Variants in PCCA observed in about 807,000 individuals in gnomAD.
PCCA encodes the protein propionyl-CoA carboxylase alpha chain, mitochondrial.
A neutral mutation model predicts 101.3 loss-of-function variants in PCCA; 74 were observed. That is an observed-to-expected ratio of 0.73 (90% CI 0.61 to 0.89). The LOEUF (loss-of-function observed/expected upper bound fraction) is 0.89. Among genes scored for constraint, PCCA ranks in the 40% least tolerant of loss-of-function variants. The pLI is 0.00. For missense variants in PCCA, 891 were observed against 907.0 expected (o/e 0.98, Z 0.23); for synonymous variants, 294 against 313.6 (o/e 0.94, Z 0.66).
At chr13:100,129,906 C>T (rs1426189656) in intron 4 of PCCA, among the ~76,000 whole-genome samples, 4 of 152,132 alleles carry the variant, frequency 2.6e-5, no homozygotes, top group Admixed American at 1.3e-4. Context: ...CATTGTTATG[C>T]GTTTTTCTCC....
intron 21 of PCCA, chr13:100,464,506 T>G (rs2082374049): frequency 6.6e-6 from 1 of 152,200 alleles, no homozygotes; most frequent in Non-Finnish European, 1.5e-5. Context: ...TTCATTTGTC[T>G]TGCTTGGAGA....
chr13:100,219,438 C>T (rs750419594), intron 7 of PCCA, among the ~76,000 whole-genome samples: 9 of 152,016 alleles, frequency 5.9e-5, no homozygotes, highest in Non-Finnish European at 1.2e-4. Context: ...TCTGTTTACA[C>T]GGGAGATTTT....
intron 6 of PCCA, among the ~76,000 whole-genome samples, chr13:100,192,071 A>C (rs140017127): frequency 5.3e-5 from 8 of 152,326 alleles, no homozygotes; most frequent in Middle Eastern, 3.4e-3. Flanking sequence ...AGGGGGAGGA[A>C]TTTGTATCTT....
intron 7 of PCCA, among the ~76,000 whole-genome samples, chr13:100,223,686 A>G (rs1035785644): frequency 2.6e-5 from 4 of 151,924 alleles, no homozygotes; most frequent in Non-Finnish European, 4.4e-5. Flanking sequence ...ATCCGGCCCC[A>G]CCCACATCCT....
intron 4 of PCCA, among the ~76,000 whole-genome samples, chr13:100,131,203 T>G (rs957179318): frequency 3.3e-5 from 5 of 152,132 alleles, no homozygotes; most frequent in Non-Finnish European, 7.4e-5. Flanking sequence ...AAACGAAGGA[T>G]TCAAGCTTGT....
At chr13:100,354,468 A>G (rs2073742024) in intron 18 of PCCA, among the ~76,000 whole-genome samples, 1 of 152,164 alleles carries the variant, frequency 6.6e-6, no homozygotes, top group South Asian at 2.1e-4. Context: ...ATGGAAAAAT[A>G]GAGCAAACAA....
intron 1 of PCCA, among the ~76,000 whole-genome samples, chr13:100,101,753 T>C (rs1390254510): frequency 6.6e-6 from 1 of 151,904 alleles, no homozygotes; most frequent in Non-Finnish European, 1.5e-5. Flanking sequence ...TGTGCCACCA[T>C]GCCCCGCTAA....
chr13:100,506,751 A>G (rs1379730214), intron 21 of PCCA, among the ~76,000 whole-genome samples: 1 of 152,106 alleles, frequency 6.6e-6, no homozygotes, highest in Non-Finnish European at 1.5e-5. Context: ...TCAACTTGAT[A>G]TGAGCAAAGA....
intron 19 of PCCA, among the ~76,000 whole-genome samples, chr13:100,424,421 C>G (rs140769442): frequency 6.6e-6 from 1 of 152,174 alleles, no homozygotes; most frequent in East Asian, 1.9e-4. Flanking sequence ...TGACCCAGAC[C>G]TTCACTGGTC....
chr13:100,153,073 G>GA lies in PCCA; in HGVS notation c.301-1897dup, dbSNP rs1317331138. 1.5e-4 allele frequency among the ~76,000 whole-genome samples: 23 copies of GA among 148,580 alleles called. No homozygotes were observed. The South Asian group carries it at 3.6e-3, about 24-fold the overall frequency. On this transcript the variant is annotated intron_variant, in intron 4 of 23. Transcript: ENST00000376285. ...TGTAGATTTTTACCTTAAACATAAT[G>GA]AAAAAAAAATAATAAAAGTTGCAAC...
intron 20 of PCCA, among the ~76,000 whole-genome samples, chr13:100,444,765 A>G (rs1049650226): frequency 1.3e-5 from 2 of 152,008 alleles, no homozygotes; most frequent in East Asian, 1.9e-4. Flanking sequence ...ACCTCAAGCA[A>G]TCTGCCCGCC....
At chr13:100,375,560 C>T (rs2075851311) in intron 19 of PCCA, among the ~76,000 whole-genome samples, 1 of 152,086 alleles carries the variant, frequency 6.6e-6, no homozygotes, top group African/African-American at 2.4e-5. Flanking sequence ...GTATTGGGTT[C>T]ATATATATTT....
chr13:100,177,748 TAACTC>T (rs1332970140), intron 6 of PCCA, among the ~76,000 whole-genome samples: 1 of 152,126 alleles, frequency 6.6e-6, no homozygotes, highest in Non-Finnish European at 1.5e-5. Flanking sequence ...CATGTAAAAA[TAACTC>T]AAGTCTTCAA....
In PCCA at chr13:100,102,965, G is replaced by A; in HGVS notation, c.183+5G>A. 6.5e-7 allele frequency: 1 copy of A among 1,548,914 alleles called. No individual in the cohort carries two copies. Among genetic ancestry groups the A allele is most frequent in the Non-Finnish European group, 8.9e-7 (1 of 1,120,878 alleles). On this transcript the variant is annotated splice_donor_5th_base_variant and intron_variant, in intron 2 of 23. Coordinates refer to ENST00000376285, the MANE Select transcript of PCCA (RefSeq NM_000282.4). ...GGATATGATCCTAATGAAAAAGTAA[G>A]TATTTAAAAGATATTCTCAACAACT...
intron 4 of PCCA, among the ~76,000 whole-genome samples, chr13:100,146,862 G>T (rs1413235094): frequency 7.1e-6 from 1 of 141,326 alleles, no homozygotes; most frequent in Non-Finnish European, 1.5e-5. Context: ...TATGTATGCA[G>T]ATTGGCATGT....
rs2062763181 is a variant in PCCA at position 100,264,148 on chromosome 13, CGTATATATATGGTATCTGTATA to C, written c.819+1318_819+1339del. ...TCGTATATATATGGTATCTGTATATCGTATATATATGGTATCTGTATATCGTATATATGTGATATCTGTATAT... is the reference window on the plus strand; with the variant it reads ...TCGTATATATATGGTATCTGTATATCTCGTATATATGTGATATCTGTATAT... On this transcript the variant is annotated intron_variant, in intron 10 of 23. Transcript: ENST00000376285. Among the ~76,000 whole-genome samples the C allele has an allele frequency of 4.4e-5, 5 of 112,386 alleles. 1 individual carries two copies. Among genetic ancestry groups the C allele is most frequent in the South Asian group, 2.6e-4 (1 of 3,782 alleles). The allele number at this position is 112,386 out of a possible 152,430, so 73.7% of individuals were successfully genotyped here. A position where few individuals can be genotyped will look rare whatever the true frequency, so the allele number is the denominator to read the frequency against.
chr13:100,390,887 G>A (rs2076766441), intron 19 of PCCA, among the ~76,000 whole-genome samples: 1 of 152,174 alleles, frequency 6.6e-6, no homozygotes, highest in Non-Finnish European at 1.5e-5. Flanking sequence ...GTTAAGAGTG[G>A]GCCATGGTGT....
At chr13:100,514,725 TATTTTCC>T (rs2086708028) in intron 21 of PCCA, among the ~76,000 whole-genome samples, 3 of 152,190 alleles carry the variant, frequency 2.0e-5, no homozygotes, top group African/African-American at 7.2e-5. Context: ...TGTCTGTGCG[TATTTTCC>T]ATCAGTGTTT....
chr13:100,101,722 G>A (rs559370614), intron 1 of PCCA, among the ~76,000 whole-genome samples: 2 of 152,214 alleles, frequency 1.3e-5, no homozygotes, highest in Non-Finnish European at 2.9e-5. Context: ...TCAGCCTCCT[G>A]AGTAGCTGGG....
Sources: allele counts gnomAD v4.1 joint callset (sites outside exome capture counted in the v4.1 genomes callset), GRCh38; gene constraint gnomAD v4.1.1; transcripts MANE v1.5; gene names NCBI Gene and HGNC (gene_info 2026-07-23, HGNC 2026-07-21).